WDR17: variants seen among roughly 807,000 people sequenced by gnomAD.
WDR17 encodes WD repeat domain 17.
A neutral mutation model predicts 161.7 loss-of-function variants in WDR17; 143 were observed. That is an observed-to-expected ratio of 0.88 (90% CI 0.77 to 1.02). The LOEUF is 1.02. Among genes scored for constraint, WDR17 ranks in the 50% least tolerant of loss-of-function variants. The pLI, the probability that WDR17 is intolerant of heterozygous loss-of-function variation, is 0.00. For missense variants in WDR17, 1,469 were observed against 1,520.9 expected, an observed-to-expected ratio of 0.97 and a Z score of 0.57; for synonymous variants, 517 against 515.6, an observed-to-expected ratio of 1.00 and a Z score of -0.04.
intron 1 of WDR17, among the ~76,000 whole-genome samples, chr4:176,070,311 C>T (rs6847592): frequency 0.19 from 29,053 of 152,020 alleles, 3,067 homozygotes; most frequent in South Asian, 0.27. Flanking sequence ...TGGCTCAGAG[C>T]GTAATATTTG....
intron 5 of WDR17, among the ~76,000 whole-genome samples, chr4:176,126,528 A>T (rs922846): frequency 2.6e-5 from 4 of 152,132 alleles, no homozygotes; most frequent in Non-Finnish European, 5.9e-5. Flanking sequence ...GTTCTGCATC[A>T]GTGGATTGAA....
intron 6 of WDR17, among the ~76,000 whole-genome samples, chr4:176,130,384 C>T (rs761844576): frequency 6.6e-6 from 1 of 152,100 alleles, no homozygotes; most frequent in Non-Finnish European, 1.5e-5. Context: ...CTGTAATTCT[C>T]AGATTCTGAG....
chr4:176,076,155 G>A (rs1052958582), intron 1 of WDR17, among the ~76,000 whole-genome samples: 1 of 147,860 alleles, frequency 6.8e-6, no homozygotes, highest in African/African-American at 2.5e-5. Context: ...AAATAAATTA[G>A]CCTTGAATTT....
chr4:176,119,080 T>A (rs1035117944), intron 3 of WDR17, among the ~76,000 whole-genome samples: 2 of 152,166 alleles, frequency 1.3e-5, no homozygotes, highest in African/African-American at 4.8e-5. Flanking sequence ...TATATCAGTG[T>A]TGGAAGATGT....
chr4:176,127,417 G>A (rs1395315523), intron 5 of WDR17, among the ~76,000 whole-genome samples: 4 of 151,258 alleles, frequency 2.6e-5, no homozygotes, highest in Non-Finnish European at 4.4e-5. Context: ...TCAGCCTCCC[G>A]AGTAGCTGAG....
chr4:176,177,458 G>A lies in WDR17; in HGVS notation c.3549-13G>A, dbSNP rs763610387. 9.9e-6 allele frequency: 15 copies of A among 1,522,510 alleles called. No individual in the cohort carries two copies. Among genetic ancestry groups the A allele is most frequent in the Admixed American group, 7.2e-5 (3 of 41,510 alleles). The allele number at this position is 1,522,510 out of a possible 1,614,324, so 94.3% of individuals were successfully genotyped here. On this transcript the variant is annotated splice_polypyrimidine_tract_variant and intron_variant, in intron 27 of 28. Transcript: ENST00000508596. ...TCGACAAAATGAAATTTTGATATCT[G>A]TTGAAAATATAGATCATTAGAAGAC...
intron 1 of WDR17, among the ~76,000 whole-genome samples, chr4:176,071,469 C>T (rs556836269): frequency 7.2e-5 from 11 of 152,036 alleles, no homozygotes; most frequent in Non-Finnish European, 4.4e-5. Context: ...ATTACAGGCG[C>T]AGGCCATTAT....
intron 5 of WDR17, among the ~76,000 whole-genome samples, chr4:176,127,512 T>A (rs1331511505): frequency 6.6e-6 from 1 of 152,036 alleles, no homozygotes; most frequent in East Asian, 1.9e-4. Flanking sequence ...GCCAGGCTGG[T>A]CTCAAACTCC....
At chr4:176,086,756 A>T (rs1735474593) in intron 1 of WDR17, among the ~76,000 whole-genome samples, 1 of 151,406 alleles carries the variant, frequency 6.6e-6, no homozygotes, top group Non-Finnish European at 1.5e-5. Flanking sequence ...TTGTAATTTT[A>T]TTTTCTCTTA....
intron 1 of WDR17, among the ~76,000 whole-genome samples, chr4:176,094,169 G>A (rs963101839): frequency 6.6e-6 from 1 of 152,150 alleles, no homozygotes; most frequent in African/African-American, 2.4e-5. Context: ...GAATTGGATA[G>A]TAATCCCATT....
chr4:176,148,267 TA>T lies in WDR17; in HGVS notation c.1833del (p.Val612TyrfsTer23). The T allele has an allele frequency of 1.2e-6, 2 of 1,614,016 alleles. No homozygotes were observed. Among genetic ancestry groups the T allele is most frequent in the Non-Finnish European group, 1.7e-6 (2 of 1,179,932 alleles). On this transcript the variant is annotated frameshift_variant, in exon 13 of 29. Coordinates refer to ENST00000508596, the MANE Select transcript of WDR17 (RefSeq NM_181265.4). LOFTEE classifies it high-confidence loss of function. ...LLISGSWDYTIKVWDTREGTC... is the reference protein window; with the variant it reads ...LLISGSWDYTXKVWDTREGTC... ...ATATCTGGCAGCTGGGACTATACTA[TA>T]AAAGTATGGGACACTCGAGAAGGAA...
chr4:176,146,652 A>G (rs1422832307), intron 12 of WDR17, among the ~76,000 whole-genome samples: 18 of 152,074 alleles, frequency 1.2e-4, no homozygotes, highest in Admixed American at 1.2e-3. Flanking sequence ...ACTACCTAAC[A>G]TGTCATGAAA....
chr4:176,105,910 C>T (rs553716891), intron 1 of WDR17, among the ~76,000 whole-genome samples: 20 of 151,520 alleles, frequency 1.3e-4, no homozygotes, highest in African/African-American at 4.8e-4. Context: ...AAAAGATCAA[C>T]GAAATTGTCA....
At chr4:176,106,790 C>A (rs1738803450) in intron 1 of WDR17, among the ~76,000 whole-genome samples, 1 of 151,974 alleles carries the variant, frequency 6.6e-6, no homozygotes, top group Admixed American at 6.6e-5. Context: ...TCTGTTTCAA[C>A]AACAACAGAA....
intron 2 of WDR17, among the ~76,000 whole-genome samples, chr4:176,115,355 G>A (rs1006523513): frequency 1.3e-5 from 2 of 151,804 alleles, no homozygotes; most frequent in Non-Finnish European, 2.9e-5. Context: ...TCATTGCTCT[G>A]GAAGCTTTGG....
At chr4:176,156,492 A>T (rs1024605787) in intron 18 of WDR17, among the ~76,000 whole-genome samples, 3 of 152,110 alleles carry the variant, frequency 2.0e-5, no homozygotes, top group African/African-American at 7.2e-5. Flanking sequence ...ATACTATTCT[A>T]TTAATTATCT....
intron 15 of WDR17, 75 bp downstream of exon 15, chr4:176,150,248 A>T (rs1746903161): frequency 6.4e-7 from 1 of 1,569,270 alleles, no homozygotes; most frequent in African/African-American, 1.4e-5. Context: ...TTTTATTCAC[A>T]TATTTACATG....
chr4:176,083,609 A>C (rs1735033606), intron 1 of WDR17, among the ~76,000 whole-genome samples: 1 of 152,158 alleles, frequency 6.6e-6, no homozygotes, highest in Non-Finnish European at 1.5e-5. Context: ...ATACTTGAGC[A>C]GTTTATACTT....
rs1746830938 is a variant in WDR17, at chr4:176,149,883, A to G, written c.1974A>G (p.Leu658=). 6.2e-7 allele frequency: 1 copy of G among 1,614,110 alleles called. No homozygotes were observed. The highest frequency in any genetic ancestry group is 8.5e-7 in the Non-Finnish European group (1 of 1,180,014). ...ACTCTACAGTGAGACTCTGGTCATT[A>G]ACAGCCTTAGTCACTCCTGTACAAA... ...SRDSTVRLWS[L]TALVTPVQIN... is the part of the protein sequence containing the mutation. The change falls in exon 14 of 29, where the codon TTA becomes TTG. Residue 658 remains leucine (L), a synonymous_variant. Transcript: ENST00000508596.
Sources: gnomAD v4.1 joint callset for allele counts (sites outside exome capture counted in the v4.1 genomes callset) on GRCh38, gnomAD v4.1.1 for gene constraint, MANE v1.5 for transcripts, NCBI Gene and HGNC (gene_info 2026-07-23, HGNC 2026-07-21) for gene names.